Variants in PGR observed in about 807,000 individuals in gnomAD.
PGR encodes the protein progesterone receptor, also known as nuclear receptor subfamily 3 group C member 3.
In PGR, 25 loss-of-function variants were observed where a neutral mutation model predicts 76.1. That is an observed-to-expected ratio of 0.33 (90% CI 0.24 to 0.46). The LOEUF (loss-of-function observed/expected upper bound fraction) is 0.46. Among genes scored for constraint, PGR ranks in the 20% least tolerant of loss-of-function variants. The pLI, the probability that PGR is intolerant of heterozygous loss-of-function variation, is 1.00. For missense variants in PGR, 1,172 were observed against 1,225.3 expected (o/e 0.96, Z 0.65); for synonymous variants, 579 against 535.0 (o/e 1.08, Z -1.14).
chr11:101,048,837 T>C (rs1227078781), intron 6 of PGR, among the ~76,000 whole-genome samples: 1 of 152,180 alleles, frequency 6.6e-6, no homozygotes, highest in Non-Finnish European at 1.5e-5. Context: ...TTTTACTTTA[T>C]AAACTCTAGT....
At chr11:101,093,859 C>T (rs7928290) in intron 2 of PGR, among the ~76,000 whole-genome samples, 2,973 of 152,228 alleles carry the variant, frequency 0.02, 76 homozygotes, top group African/African-American at 0.055. Flanking sequence ...GTCATAAATA[C>T]GCAGGAAAAA....
At chr11:101,106,219 T>C (rs188840558) in intron 2 of PGR, among the ~76,000 whole-genome samples, 3 of 152,186 alleles carry the variant, frequency 2.0e-5, no homozygotes, top group Admixed American at 2.0e-4. Context: ...AAGCCAAAAT[T>C]GACAAATGGG....
chr11:101,041,641 T>C (rs755178702), intron 7 of PGR: 1 of 317,506 alleles, frequency 3.1e-6, no homozygotes, highest in Non-Finnish European at 5.9e-6. Flanking sequence ...ACTGTATATA[T>C]AAAATCTTTT....
chr11:101,063,200 T>C (rs11571215), intron 3 of PGR: 4,459 of 153,130 alleles, frequency 0.029, 171 homozygotes, highest in African/African-American at 0.092. Flanking sequence ...TAAATCTTCT[T>C]TGAGGTTTTG....
intron 7 of PGR, 50 bp from the exon 8 acceptor site, chr11:101,039,321 C>T: frequency 7.5e-7 from 1 of 1,337,464 alleles, no homozygotes; most frequent in Non-Finnish European, 1.1e-6. Context: ...ATAATAAATT[C>T]ATATGCTATT....
In PGR at chr11:101,076,233, C is replaced by T. The variant is rs554382334; in HGVS notation, c.1907-13481G>A. Among the ~76,000 whole-genome samples the T allele has an allele frequency of 7.3e-5, 11 of 151,060 alleles. No homozygotes were observed. In the East Asian group the frequency reaches 2.0e-3, roughly 27 times the overall value. On this transcript the variant is annotated intron_variant, in intron 3 of 7. Coordinates refer to ENST00000325455, the MANE Select transcript of PGR (RefSeq NM_000926.4). ...TAACACAAGAACAGAAAACCAAACA[C>T]TGCATGTTCTCTCATAAGTGGGAGG...
intron 2 of PGR, among the ~76,000 whole-genome samples, chr11:101,096,174 G>C (rs952822924): frequency 1.3e-5 from 2 of 152,150 alleles, no homozygotes; most frequent in Non-Finnish European, 2.9e-5. Flanking sequence ...GAGTTGGAAG[G>C]ATAATTTTTA....
chr11:101,062,746 T>G lies in PGR; in HGVS notation c.1913A>C (p.Lys638Thr). 6.2e-7 allele frequency: 1 copy of G among 1,611,190 alleles called. No individual in the cohort carries two copies. The highest frequency in any genetic ancestry group is 1.1e-5 in the South Asian group (1 of 90,738). Residue 638 changes from lysine (K) to threonine (T), a missense_variant, in exon 4 of 8, where the codon AAA becomes ACA. This residue lies in a region of PGR where 73 missense variants were observed against 60.7 expected (regional missense o/e 1.20). Coordinates refer to ENST00000325455, the MANE Select transcript of PGR (RefSeq NM_000926.4). ...CQAGMVLGGR[K>T]FKKFNKVRVV... ...TCTGACTTTATTGAACTTTTTAAAT[T>G]TTCGACCTACAGAGAAGAAAAAAAA... is the stretch of plus-strand genomic sequence containing the variant.
chr11:101,104,016 C>A (rs1177812964), intron 2 of PGR, among the ~76,000 whole-genome samples: 1 of 152,086 alleles, frequency 6.6e-6, no homozygotes, highest in East Asian at 1.9e-4. Flanking sequence ...TATATAAAAT[C>A]TATAGCACCA....
At chr11:101,063,796 G>T (rs1279133560) in intron 3 of PGR, 2 of 152,168 alleles carry the variant, frequency 1.3e-5, no homozygotes, top group African/African-American at 4.8e-5. Flanking sequence ...GAGACCATCC[G>T]TGAATTACTT....
At chr11:101,042,880 C>A (rs901001950) in intron 6 of PGR, among the ~76,000 whole-genome samples, 1 of 152,162 alleles carries the variant, frequency 6.6e-6, no homozygotes, top group African/African-American at 2.4e-5. Context: ...AACTAAAAAA[C>A]ACTTTATTGC....
chr11:101,087,270 T>C (rs1007228372), intron 3 of PGR, among the ~76,000 whole-genome samples: 1 of 151,830 alleles, frequency 6.6e-6, no homozygotes, highest in Non-Finnish European at 1.5e-5. Context: ...AACCCAGAAA[T>C]AAAGGTGCAC....
intron 7 of PGR, among the ~76,000 whole-genome samples, chr11:101,040,843 T>A (rs1415081735): frequency 6.6e-6 from 1 of 152,056 alleles, no homozygotes; most frequent in Non-Finnish European, 1.5e-5. Context: ...TTTTCTCTAT[T>A]TTTTCTTCTG....
chr11:101,091,070 G>C (rs1191728165), intron 3 of PGR, among the ~76,000 whole-genome samples: 2 of 152,160 alleles, frequency 1.3e-5, no homozygotes, highest in Admixed American at 6.5e-5. Flanking sequence ...GCAGGATGTG[G>C]CTAAGTGAAA....
At chr11:101,053,968 C>T (rs1012312277) in intron 4 of PGR, among the ~76,000 whole-genome samples, 1 of 152,102 alleles carries the variant, frequency 6.6e-6, no homozygotes, top group Non-Finnish European at 1.5e-5. Flanking sequence ...GCCCATGGAA[C>T]ATATACTAAC....
intron 3 of PGR, among the ~76,000 whole-genome samples, chr11:101,081,360 C>T (rs554977262): frequency 3.3e-5 from 5 of 151,468 alleles, no homozygotes; most frequent in East Asian, 1.9e-4. Context: ...ACTTGGAGGG[C>T]GGAGGTTGCA....
chr11:101,041,582 C>A, intron 7 of PGR: 1 of 196,166 alleles, frequency 5.1e-6, no homozygotes. Flanking sequence ...TTTATAATTC[C>A]ACTGAAAATG....
intron 4 of PGR, among the ~76,000 whole-genome samples, chr11:101,055,031 T>A (rs778381790): frequency 6.6e-6 from 1 of 152,032 alleles, no homozygotes; most frequent in Non-Finnish European, 1.5e-5. Flanking sequence ...ATTTTAAAGA[T>A]AAATTATGTG....
intron 3 of PGR, among the ~76,000 whole-genome samples, chr11:101,077,121 T>C (rs1383749985): frequency 1.3e-5 from 2 of 152,078 alleles, no homozygotes; most frequent in Admixed American, 1.3e-4. Flanking sequence ...CTGAACAATC[T>C]CTGTATTTTT....
Sources: gnomAD v4.1 joint callset for allele counts (sites outside exome capture counted in the v4.1 genomes callset) on GRCh38, gnomAD v4.1.1 for gene constraint, gnomAD v4.1.1 regional missense constraint, MANE v1.5 for transcripts, NCBI Gene and HGNC (gene_info 2026-07-23, HGNC 2026-07-21) for gene names.